The following ST3GAL3 variants were observed in gnomAD, a reference collection of about 807,000 sequenced individuals.
ST3GAL3 encodes ST3 beta-galactoside alpha-2,3-sialyltransferase 3, also known as CMP-N-acetylneuraminate-beta-1,4-galactoside alpha-2,3-sialyltransferase.
Under a neutral mutation model 50.1 loss-of-function variants are expected in ST3GAL3, and 21 were observed. The observed-to-expected ratio is 0.42, with a 90% CI of 0.30 to 0.60. The LOEUF (loss-of-function observed/expected upper bound fraction) is 0.60, where lower values mean the gene tolerates loss of function less well. Ranked by LOEUF, ST3GAL3 falls within the 20% of genes least tolerant of loss-of-function variation. ST3GAL3 has a pLI of 0.19. For synonymous variants in ST3GAL3, 183 were observed against 190.0 expected (o/e 0.96, Z 0.30); for missense variants, 353 against 489.4 (o/e 0.72, Z 2.63).
At chr1:43,794,966 G>T (rs1304390805) in intron 3 of ST3GAL3, among the ~76,000 whole-genome samples, 3 of 151,986 alleles carry the variant, frequency 2.0e-5, no homozygotes, top group Admixed American at 6.5e-5. Flanking sequence ...GTTCAAGGGG[G>T]TATGTTGAGG....
At chr1:43,840,157 G>A (rs1461313849) in intron 5 of ST3GAL3, 2 of 151,742 alleles carry the variant, frequency 1.3e-5, no homozygotes, top group Non-Finnish European at 2.9e-5. Flanking sequence ...CTCCCAAGTA[G>A]TTGGGACTCC....
At chr1:43,800,216 A>G (rs979495358) in intron 3 of ST3GAL3, among the ~76,000 whole-genome samples, 1 of 152,202 alleles carries the variant, frequency 6.6e-6, no homozygotes, top group Non-Finnish European at 1.5e-5. Context: ...ATTGGATCTT[A>G]GTTTGTAAAC....
chr1:43,747,343 C>T (rs916694241), intron 2 of ST3GAL3, among the ~76,000 whole-genome samples: 2 of 151,762 alleles, frequency 1.3e-5, no homozygotes, highest in African/African-American at 2.4e-5. Context: ...ACCCAGGAGG[C>T]GGATATTGCA....
At chr1:43,924,885 C>A (rs76513474) in intron 11 of ST3GAL3, among the ~76,000 whole-genome samples, 2,497 of 152,320 alleles carry the variant, frequency 0.016, 30 homozygotes, top group African/African-American at 0.019. Flanking sequence ...GGAGTCTTTT[C>A]ATTTGCTTCC....
chr1:43,885,499 C>T (rs2075837673), intron 5 of ST3GAL3, among the ~76,000 whole-genome samples: 1 of 152,166 alleles, frequency 6.6e-6, no homozygotes, highest in Admixed American at 6.5e-5. Context: ...CCCACCCTCC[C>T]CTGCTACCCC....
intron 6 of ST3GAL3, among the ~76,000 whole-genome samples, chr1:43,895,266 T>C (rs1284261978): frequency 1.3e-5 from 2 of 152,198 alleles, no homozygotes; most frequent in East Asian, 3.9e-4. Flanking sequence ...TGTCCAAGGC[T>C]AACCTTTCCC....
chr1:43,890,793 A>T (rs1297042114), intron 5 of ST3GAL3, among the ~76,000 whole-genome samples: 4 of 152,236 alleles, frequency 2.6e-5, no homozygotes, highest in Admixed American at 6.5e-5. Flanking sequence ...CTGAGGTGGG[A>T]GGATCACTTG....
intron 11 of ST3GAL3, among the ~76,000 whole-genome samples, chr1:43,928,968 G>C (rs150449863): frequency 2.6e-5 from 4 of 152,092 alleles, no homozygotes; most frequent in Non-Finnish European, 5.9e-5. Flanking sequence ...GCTGACAAAC[G>C]CAACAGAGAG....
intron 5 of ST3GAL3, among the ~76,000 whole-genome samples, chr1:43,869,955 G>A (rs2072254825): frequency 1.3e-5 from 2 of 152,178 alleles, no homozygotes; most frequent in African/African-American, 2.4e-5. Context: ...AAATCCACCT[G>A]GAAGGGCAGT....
intron 2 of ST3GAL3, among the ~76,000 whole-genome samples, chr1:43,747,600 T>C (rs1479660939): frequency 1.5e-5 from 2 of 137,920 alleles, no homozygotes; most frequent in Non-Finnish European, 3.1e-5. Flanking sequence ...GGAGTCTCGC[T>C]CTGTTGCCCA....
intron 6 of ST3GAL3, among the ~76,000 whole-genome samples, chr1:43,897,548 GA>G (rs2077567582): frequency 6.6e-6 from 1 of 152,192 alleles, no homozygotes; most frequent in Non-Finnish European, 1.5e-5. Context: ...CAAAGCCAGA[GA>G]GAGGCCAAGG....
Position 43,852,940 on chromosome 1 carries a change from A to G in ST3GAL3, c.302+14629A>G, listed in dbSNP as rs555315950. ...TCTCAGTGACTTTCATTATAATTAG[A>G]TAAGTTTTTTTCAGGAAGAAAAATA... On this transcript the variant is annotated intron_variant, in intron 5 of 11. Transcript: ENST00000347631. Among the ~76,000 whole-genome samples, 7 of 152,366 alleles carry G rather than the reference A, an allele frequency of 4.6e-5. No homozygotes were observed. The South Asian group carries it at 1.2e-3, about 27-fold the overall frequency.
chr1:43,818,162 C>T (rs1307228137), intron 4 of ST3GAL3, among the ~76,000 whole-genome samples: 2 of 152,098 alleles, frequency 1.3e-5, no homozygotes, highest in African/African-American at 2.4e-5. Flanking sequence ...AAATTTTAGA[C>T]CTTCTCATTA....
intron 5 of ST3GAL3, among the ~76,000 whole-genome samples, chr1:43,848,548 A>G (rs1430526041): frequency 6.6e-6 from 1 of 151,680 alleles, no homozygotes; most frequent in African/African-American, 2.4e-5. Context: ...CAGGTGATCC[A>G]CATGCCTCGG....
At chr1:43,915,527 C>T (rs1395581954) in intron 9 of ST3GAL3, among the ~76,000 whole-genome samples, 5 of 152,158 alleles carry the variant, frequency 3.3e-5, no homozygotes, top group African/African-American at 1.2e-4. Flanking sequence ...CCATATTTTA[C>T]CACCTCTTGA....
chr1:43,775,818 C>T (rs950099180), intron 2 of ST3GAL3, among the ~76,000 whole-genome samples: 9 of 151,682 alleles, frequency 5.9e-5, no homozygotes, highest in African/African-American at 1.9e-4. Flanking sequence ...TTTATTTTCT[C>T]CTCAATATAA....
chr1:43,916,639 G>A (rs2081852286), intron 9 of ST3GAL3: 1 of 152,112 alleles, frequency 6.6e-6, no homozygotes, highest in Non-Finnish European at 1.5e-5. Context: ...CTAGAGTGCA[G>A]TGGCTCGATC....
At chr1:43,782,874 G>C (rs779315150) in intron 2 of ST3GAL3, among the ~76,000 whole-genome samples, 2 of 152,080 alleles carry the variant, frequency 1.3e-5, no homozygotes, top group African/African-American at 2.4e-5. Context: ...ACCTGAAATG[G>C]TATGAATGTA....
intron 2 of ST3GAL3, among the ~76,000 whole-genome samples, chr1:43,754,174 C>A (rs1320457499): frequency 6.6e-6 from 1 of 152,110 alleles, no homozygotes; most frequent in African/African-American, 2.4e-5. Flanking sequence ...AGACAAAACT[C>A]ATGTATAATA....
Sources: allele counts gnomAD v4.1 joint callset (sites outside exome capture counted in the v4.1 genomes callset), GRCh38; gene constraint gnomAD v4.1.1; transcripts MANE v1.5; gene names NCBI Gene and HGNC (gene_info 2026-07-23, HGNC 2026-07-21).